The following TIAM2 variants were observed in gnomAD, a reference collection of about 807,000 sequenced individuals.
The protein encoded by TIAM2 is TIAM Rac1 associated GEF 2.
Under a neutral mutation model 152.9 loss-of-function variants are expected in TIAM2, and 80 were observed. The ratio of observed to expected loss-of-function variants is 0.52; its 90% CI spans 0.44 to 0.63. TIAM2 has a LOEUF of 0.63. Among genes scored for constraint, TIAM2 ranks in the 30% least tolerant of loss-of-function variants. The pLI is 0.00. For missense variants in TIAM2, 1,965 were observed against 2,120.1 expected, an observed-to-expected ratio of 0.93 and a Z score of 1.44; for synonymous variants, 804 against 838.0, an observed-to-expected ratio of 0.96 and a Z score of 0.70.
chr6:154,997,150 G>T (rs1320650148), intron 1 of TIAM2, among the ~76,000 whole-genome samples: 1 of 152,136 alleles, frequency 6.6e-6, no homozygotes, highest in East Asian at 1.9e-4. Context: ...CCAGACCATT[G>T]TTTGGAATGA....
In TIAM2 at chr6:155,156,007, C is replaced by G. The variant is rs544838885; in HGVS notation, c.2028+7673C>G. Among the ~76,000 whole-genome samples the G allele has an allele frequency of 2.0e-5, 3 of 152,184 alleles. No individual in the cohort carries two copies. Among genetic ancestry groups the G allele is most frequent in the Non-Finnish European group, 4.4e-5 (3 of 68,046 alleles). The stretch of plus-strand genomic sequence containing the variant: ...AGCTCTCAGTCTAGCAGGTGACAGA[C>G]AGTTGAGCATACAATTTCAACATAA... On this transcript the variant is annotated intron_variant, in intron 7 of 26. Coordinates refer to ENST00000682666, the MANE Select transcript of TIAM2 (RefSeq NM_012454.4). The surrounding 1 kb of genome is among the most constrained non-coding windows in gnomAD (Gnocchi z 4.4).
At chr6:155,055,949 GA>G (rs147500857) in intron 1 of TIAM2, among the ~76,000 whole-genome samples, 13,802 of 151,850 alleles carry the variant, frequency 0.091, 2,120 homozygotes, top group African/African-American at 0.32. Context: ...GTGACAGAAA[GA>G]GAAACCCTGA....
chr6:155,037,819 C>T (rs1301665779), intron 1 of TIAM2, among the ~76,000 whole-genome samples: 4 of 152,242 alleles, frequency 2.6e-5, no homozygotes, highest in East Asian at 3.9e-4. Context: ...TGTGAGCCAC[C>T]GCGTCCAGCC....
intron 1 of TIAM2, among the ~76,000 whole-genome samples, chr6:155,048,233 G>A (rs1178297709): frequency 2.0e-5 from 3 of 152,078 alleles, no homozygotes; most frequent in Non-Finnish European, 4.4e-5. Context: ...GATTACAGGT[G>A]TGAGCCACTG....
At chr6:155,029,544 T>A (rs1274668712) in intron 1 of TIAM2, among the ~76,000 whole-genome samples, 41 of 67,944 alleles carry the variant, frequency 6.0e-4, no homozygotes, top group Middle Eastern at 0.014. Context: ...ATAATATATA[T>A]TATGTAGTAT....
chr6:155,043,587 T>C (rs1777094451), intron 1 of TIAM2, among the ~76,000 whole-genome samples: 1 of 147,532 alleles, frequency 6.8e-6, no homozygotes, highest in Non-Finnish European at 1.5e-5. Flanking sequence ...TAAGCAGCGA[T>C]TGTGCCACTG....
intron 2 of TIAM2, among the ~76,000 whole-genome samples, chr6:155,098,215 G>A (rs1180676306): frequency 6.6e-6 from 1 of 152,038 alleles, no homozygotes; most frequent in Non-Finnish European, 1.5e-5. Context: ...TGTGAGGAAT[G>A]TCATTGGTAT....
intron 20 of TIAM2, among the ~76,000 whole-genome samples, chr6:155,248,763 T>C (rs938411607): frequency 6.6e-6 from 1 of 152,202 alleles, no homozygotes; most frequent in Non-Finnish European, 1.5e-5. Flanking sequence ...TGATAGTAAA[T>C]AGAGGATCCT....
chr6:155,001,884 A>G (rs1486344558), intron 1 of TIAM2, among the ~76,000 whole-genome samples: 1 of 152,234 alleles, frequency 6.6e-6, no homozygotes, highest in East Asian at 1.9e-4. Flanking sequence ...ATGGCTTAAT[A>G]AATAAGCTTG....
rs140160856 is a variant in TIAM2, at chr6:155,134,843, C to T, written c.1195-2334C>T. 8.5e-4 allele frequency among the ~76,000 whole-genome samples: 130 copies of T among 152,152 alleles called. 1 individual carries two copies. The East Asian group carries it at 0.017, about 19-fold the overall frequency. ...GCCTCAGCATCCCAAGTAGCTGGGA[C>T]TACAGGCATGTGCCGCCGCACCTGG... is the stretch of plus-strand genomic sequence containing the variant. On this transcript the variant is annotated intron_variant, in intron 4 of 26. Coordinates refer to ENST00000682666, the MANE Select transcript of TIAM2 (RefSeq NM_012454.4).
At position 155,257,647 on chromosome 6, in the gene TIAM2, G is replaced by A; in HGVS notation, c.*526G>A. ...ACTATCTATACAGTATATATTAAAA[G>A]AAAGCTTGTACTGTATCTTATTTGA... On this transcript the variant is annotated 3_prime_UTR_variant, in exon 27 of 27. Transcript: ENST00000682666. The A allele has an allele frequency of 1.6e-6, 1 of 629,338 alleles. No homozygotes were observed. Among genetic ancestry groups the A allele is most frequent in the Non-Finnish European group, 2.7e-6 (1 of 367,438 alleles). The allele number at this position is 629,338 out of a possible 1,614,324, so 39.0% of individuals were successfully genotyped here. A position where few individuals can be genotyped will look rare whatever the true frequency, so the allele number is the denominator to read the frequency against.
At chr6:155,048,396 G>A (rs934856313) in intron 1 of TIAM2, among the ~76,000 whole-genome samples, 4 of 152,088 alleles carry the variant, frequency 2.6e-5, no homozygotes, top group Non-Finnish European at 5.9e-5. Context: ...CCTGGCCAAG[G>A]GTCATTTTAA....
At chr6:155,147,370 G>T (rs184510889) in intron 6 of TIAM2, among the ~76,000 whole-genome samples, 73 of 152,192 alleles carry the variant, frequency 4.8e-4, no homozygotes, top group Non-Finnish European at 1.5e-5. Context: ...GCAGTGGCAC[G>T]ATCTCAGCTC....
intron 1 of TIAM2, among the ~76,000 whole-genome samples, chr6:155,067,195 C>G (rs1777713451): frequency 6.6e-6 from 1 of 152,104 alleles, no homozygotes; most frequent in Admixed American, 6.6e-5. Flanking sequence ...TGGGGGAGCT[C>G]ATTCTGGGAT....
intron 2 of TIAM2, among the ~76,000 whole-genome samples, chr6:155,112,976 C>A (rs1778893587): frequency 6.6e-6 from 1 of 151,684 alleles, no homozygotes; most frequent in Admixed American, 6.6e-5. Flanking sequence ...CCTGCTGCTT[C>A]CACTGTGTCG....
chr6:155,081,148 C>T (rs1778053487), intron 1 of TIAM2, among the ~76,000 whole-genome samples: 1 of 152,126 alleles, frequency 6.6e-6, no homozygotes, highest in Non-Finnish European at 1.5e-5. Context: ...TTTAACCACC[C>T]TTGGTGTCAT....
intron 1 of TIAM2, among the ~76,000 whole-genome samples, chr6:155,048,947 C>T (rs1220050491): frequency 6.6e-6 from 1 of 151,982 alleles, no homozygotes; most frequent in Non-Finnish European, 1.5e-5. Flanking sequence ...ACTATAGGTG[C>T]ATGCCACCAT....
intron 9 of TIAM2, among the ~76,000 whole-genome samples, chr6:155,175,832 T>A (rs543030575): frequency 6.6e-6 from 1 of 152,188 alleles, no homozygotes; most frequent in South Asian, 2.1e-4. Flanking sequence ...ACACTACACT[T>A]TTTTGGGAAA....
In TIAM2 at chr6:155,176,983, G is replaced by A. The variant is rs923028053; in HGVS notation, c.2523+6G>A. On this transcript the variant is annotated splice_donor_region_variant and intron_variant, in intron 10 of 26. Coordinates refer to ENST00000682666, the MANE Select transcript of TIAM2 (RefSeq NM_012454.4). Reference sequence around the variant, plus strand: ...TTTTGACTTTGGCATGCAAGGTAACGGATTTTGCTGCAGAAATATATTTCT... The same window carrying A: ...TTTTGACTTTGGCATGCAAGGTAACAGATTTTGCTGCAGAAATATATTTCT... 2.6e-5 allele frequency: 42 copies of A among 1,599,612 alleles called. 1 individual carries two copies. Among genetic ancestry groups the A allele is most frequent in the Non-Finnish European group, 3.3e-5 (39 of 1,173,870 alleles).
Sources: allele counts gnomAD v4.1 joint callset (sites outside exome capture counted in the v4.1 genomes callset), GRCh38; gene constraint gnomAD v4.1.1; non-coding constraint Gnocchi (gnomAD v3.1); transcripts MANE v1.5; gene names NCBI Gene and HGNC (gene_info 2026-07-23, HGNC 2026-07-21).